The following SFSWAP variants were observed in gnomAD, a reference collection of about 807,000 sequenced individuals.
The protein encoded by SFSWAP is splicing factor SWAP.
SFSWAP carries 17 observed loss-of-function variants against 100.7 expected under a neutral mutation model. That is an observed-to-expected ratio of 0.17 (90% CI 0.12 to 0.25). The LOEUF is 0.25. SFSWAP is among the 10% of genes least tolerant of loss of function. The probability of loss-of-function intolerance (pLI) is 1.00; values close to 1 mark genes in which losing one functional copy is unlikely to be tolerated. For missense variants in SFSWAP, 1,005 were observed against 1,262.6 expected (o/e 0.80, Z 3.09); for synonymous variants, 504 against 510.1 (o/e 0.99, Z 0.16).
rs373410970 is a variant in SFSWAP at position 131,786,608 on chromosome 12, C to T, written c.2534+20C>T. 2.3e-5 allele frequency: 37 copies of T among 1,581,468 alleles called. No homozygotes were observed. The highest frequency in any genetic ancestry group is 7.2e-5 in the Admixed American group (4 of 55,614). On this transcript the variant is annotated intron_variant, in intron 15 of 17. Transcript: ENST00000261674. ...CTCCAGGTAGGCCACTGGGTGTGCACGCAGGTGCTGGATGTGGGCCAGGTT... is the reference window on the plus strand; with the variant it reads ...CTCCAGGTAGGCCACTGGGTGTGCATGCAGGTGCTGGATGTGGGCCAGGTT...
intron 4 of SFSWAP, among the ~76,000 whole-genome samples, chr12:131,723,485 C>T (rs1878676615): frequency 6.6e-6 from 1 of 152,120 alleles, no homozygotes. Context: ...ACTGCTGGTA[C>T]TTCTGTATTT....
chr12:131,779,055 G>A (rs1245008565), intron 14 of SFSWAP, among the ~76,000 whole-genome samples: 10 of 150,540 alleles, frequency 6.6e-5, no homozygotes, highest in African/African-American at 2.4e-4. Flanking sequence ...TCTGGGTTTG[G>A]ATTCTCTGCT....
chr12:131,758,654 T>C (rs1165457760), intron 11 of SFSWAP, among the ~76,000 whole-genome samples: 2 of 152,212 alleles, frequency 1.3e-5, no homozygotes, highest in East Asian at 3.9e-4. Context: ...AAAAGATTGC[T>C]TAGAAATTGC....
chr12:131,736,822 A>G (rs897657), intron 7 of SFSWAP, among the ~76,000 whole-genome samples: 147,291 of 152,010 alleles, frequency 0.97, 71,558 homozygotes, highest in East Asian at 1. Context: ...AAATGCAGAC[A>G]AAACCTACAA....
intron 16 of SFSWAP, among the ~76,000 whole-genome samples, 157 bp downstream of exon 16, chr12:131,797,517 G>A (rs933477223): frequency 6.6e-6 from 1 of 152,242 alleles, no homozygotes; most frequent in Non-Finnish European, 1.5e-5. Context: ...CAAGGAAGTC[G>A]CCCTAGATGT....
In SFSWAP at chr12:131,756,623, C is replaced by G. The variant is rs1471035330; in HGVS notation, c.1699C>G (p.Pro567Ala). Residue 567 changes from proline (P) to alanine (A), a missense_variant, in exon 11 of 18, where the codon CCG becomes GCG. By Grantham distance (27) the Pro-to-Ala change is conservative (BLOSUM62 -1). Transcript: ENST00000261674. ...GGAGGCATCGTCCAGTAAGACCGTC[C>G]CGGACGGGAAGCTGGTGAAAGGTAT... ...KKEASSSKTV[P>A]DGKLVKASFA... The G allele has an allele frequency of 1.2e-6, 2 of 1,600,230 alleles. No homozygotes were observed. Among genetic ancestry groups the G allele is most frequent in the African/African-American group, 2.7e-5 (2 of 74,120 alleles).
chr12:131,732,987 AG>A (rs1879652338), intron 7 of SFSWAP, among the ~76,000 whole-genome samples: 1 of 152,194 alleles, frequency 6.6e-6, no homozygotes, highest in Non-Finnish European at 1.5e-5. Context: ...CTTCCACAGC[AG>A]CCAGTTACTT....
At position 131,743,540 on chromosome 12, in the gene SFSWAP, A is replaced by C. The variant is rs1378102503; in HGVS notation, c.1082-9583A>C. On this transcript the variant is annotated intron_variant, in intron 7 of 17. Transcript: ENST00000261674. ...ACGCTGATGCAAGAGGTGTGTTCCC[A>C]TGGTCTTGGGCAGCTCCGCGCCTGT... Among the ~76,000 whole-genome samples the C allele has an allele frequency of 2.6e-5, 4 of 152,340 alleles. No homozygotes were observed. The East Asian group carries it at 7.7e-4, about 29-fold the overall frequency.
intron 13 of SFSWAP, among the ~76,000 whole-genome samples, chr12:131,773,581 C>T (rs886465993): frequency 2.3e-4 from 35 of 152,160 alleles, no homozygotes; most frequent in African/African-American, 8.4e-4. Context: ...TGGCCTCAAG[C>T]AGTTCTCCCG....
chr12:131,760,850 G>A, intron 11 of SFSWAP, among the ~76,000 whole-genome samples: 1 of 152,176 alleles, frequency 6.6e-6, no homozygotes, highest in East Asian at 1.9e-4. Context: ...GAGGGGGGCA[G>A]ATCACGAAGT....
chr12:131,799,382 C>T (rs780671946), intron 17 of SFSWAP, 41 bp from the exon 18 acceptor site: 1 of 1,597,816 alleles, frequency 6.3e-7, no homozygotes, highest in African/African-American at 1.3e-5. Flanking sequence ...GTTGTCTGGC[C>T]AGGTCTTCAC....
chr12:131,765,100 G>T (rs1882999878), intron 12 of SFSWAP, among the ~76,000 whole-genome samples: 1 of 152,214 alleles, frequency 6.6e-6, no homozygotes, highest in African/African-American at 2.4e-5. Context: ...GCCCTTGAAG[G>T]TGGTGTGTCC....
chr12:131,749,118 T>C (rs1881393236), intron 7 of SFSWAP, among the ~76,000 whole-genome samples: 1 of 152,228 alleles, frequency 6.6e-6, no homozygotes, highest in African/African-American at 2.4e-5. Context: ...GATGATGTCA[T>C]CCAGCCGTCA....
intron 11 of SFSWAP, among the ~76,000 whole-genome samples, chr12:131,762,030 C>T (rs1203806299): frequency 2.6e-5 from 4 of 152,036 alleles, no homozygotes; most frequent in South Asian, 2.1e-4. Context: ...GTCAGGAGTT[C>T]GAGACCAGCC....
chr12:131,750,049 G>A (rs1881480926), intron 7 of SFSWAP, among the ~76,000 whole-genome samples: 1 of 152,208 alleles, frequency 6.6e-6, no homozygotes, highest in Non-Finnish European at 1.5e-5. Context: ...GGGTGGGCTG[G>A]GCAAGCGGCA....
In SFSWAP at chr12:131,711,181, A is replaced by G. The variant is rs1225423856; in HGVS notation, c.-49A>G. 3 of 1,447,120 alleles carry G rather than the reference A, an allele frequency of 2.1e-6. No homozygotes were observed. In the Admixed American group the frequency reaches 6.4e-5, roughly 31 times the overall value. The allele number at this position is 1,447,120 out of a possible 1,614,324, so 89.6% of individuals were successfully genotyped here. ...GGTAGGCCAAGTGGAGGTATCAGGG[A>G]CGTCGCGCGGCACAGAAGAGGACCA... On this transcript the variant is annotated 5_prime_UTR_variant, in exon 1 of 18. Coordinates refer to ENST00000261674, the MANE Select transcript of SFSWAP (RefSeq NM_004592.4). The surrounding 1 kb of genome is among the most constrained non-coding windows in gnomAD (Gnocchi z 4.9).
chr12:131,726,493 A>G (rs1007996233), intron 5 of SFSWAP, among the ~76,000 whole-genome samples: 4 of 152,258 alleles, frequency 2.6e-5, no homozygotes, highest in Non-Finnish European at 5.9e-5. Flanking sequence ...TACAGGCGTG[A>G]GCCACTGTGC....
chr12:131,742,923 A>T (rs1204815444), intron 7 of SFSWAP, among the ~76,000 whole-genome samples: 1 of 152,192 alleles, frequency 6.6e-6, no homozygotes. Flanking sequence ...ACAGAAGGCA[A>T]GGAGGAGCAA....
chr12:131,776,371 C>T (rs543522854), intron 13 of SFSWAP, among the ~76,000 whole-genome samples: 24 of 152,290 alleles, frequency 1.6e-4, no homozygotes, highest in Middle Eastern at 3.4e-3. Context: ...ACAGTGTAAA[C>T]GGAAACAGCA....
Sources: gnomAD v4.1 joint callset for allele counts (sites outside exome capture counted in the v4.1 genomes callset) on GRCh38, gnomAD v4.1.1 for gene constraint, Gnocchi (gnomAD v3.1) non-coding constraint, MANE v1.5 for transcripts, NCBI Gene and HGNC (gene_info 2026-07-23, HGNC 2026-07-21) for gene names.